Variants in ACSL4 observed in about 807,000 individuals in gnomAD.
ACSL4 encodes the protein long-chain-fatty-acid--CoA ligase 4.
ACSL4 carries 9 observed loss-of-function variants against 49.1 expected under a neutral mutation model. The ratio of observed to expected loss-of-function variants is 0.18; its 90% confidence interval spans 0.11 to 0.32. The LOEUF (loss-of-function observed/expected upper bound fraction) is 0.32, where lower values mean the gene tolerates loss of function less well. ACSL4 is among the 10% of genes least tolerant of loss of function. ACSL4 has a pLI of 1.00. For missense variants in ACSL4, 333 were observed against 493.7 expected (o/e 0.67, Z 3.08); for synonymous variants, 191 against 170.3 (o/e 1.12, Z -0.95).
chrX:109,700,536 C>T (rs1365091105), intron 1 of ACSL4, among the ~76,000 whole-genome samples: 3 of 83,845 alleles, frequency 3.6e-5, no homozygotes, highest in Non-Finnish European at 6.9e-5. Flanking sequence ...GACTCTGTCT[C>T]ATAAAAAAAA....
chrX:109,646,327 C>G (rs1392204351), intron 15 of ACSL4, among the ~76,000 whole-genome samples: 1 of 111,978 alleles, frequency 8.9e-6, no homozygotes, highest in Non-Finnish European at 1.9e-5. Flanking sequence ...GATCTCTCGG[C>G]AGAAACTCTA....
intron 1 of ACSL4, among the ~76,000 whole-genome samples, chrX:109,710,705 T>C (rs1321727990): frequency 8.9e-6 from 1 of 111,991 alleles, no homozygotes; most frequent in African/African-American, 3.2e-5. Flanking sequence ...ATTTTATTTT[T>C]TAATTTTTAA....
At chrX:109,673,833 T>C (rs1225681124) in intron 9 of ACSL4, among the ~76,000 whole-genome samples, 1 of 112,261 alleles carries the variant, frequency 8.9e-6, no homozygotes, top group East Asian at 2.8e-4. Context: ...AAACATGGTG[T>C]TAAATGTTTC....
At chrX:109,664,165 TA>T (rs1392762242) in intron 12 of ACSL4, among the ~76,000 whole-genome samples, 2 of 109,390 alleles carry the variant, frequency 1.8e-5, no homozygotes, top group African/African-American at 6.6e-5. Context: ...CATTGTATGT[TA>T]AAAAAAAACT....
At chrX:109,678,614 G>A (rs887932051) in intron 6 of ACSL4, among the ~76,000 whole-genome samples, 199 bp from the exon 7 acceptor site, 1 of 112,134 alleles carries the variant, frequency 8.9e-6, no homozygotes, top group African/African-American at 3.2e-5. Flanking sequence ...AGGATCACTT[G>A]AGCCCTGGAT....
At chrX:109,673,182 G>A (rs1385128302) in intron 9 of ACSL4, among the ~76,000 whole-genome samples, 1 of 111,607 alleles carries the variant, frequency 9.0e-6, no homozygotes, top group Non-Finnish European at 1.9e-5. Context: ...ATCTGATAAG[G>A]TTTGCTAGGG....
At chrX:109,659,255 G>A in intron 15 of ACSL4, 99 bp downstream of exon 15, 4 of 813,787 alleles carry the variant, frequency 4.9e-6, no homozygotes, top group East Asian at 3.2e-5. Context: ...TTAAAATCCT[G>A]TATTTTATTA....
intron 1 of ACSL4, among the ~76,000 whole-genome samples, chrX:109,701,219 AT>A (rs577429652): frequency 4.6e-4 from 48 of 103,323 alleles, no homozygotes; most frequent in East Asian, 6.0e-4. Context: ...ACACACATAC[AT>A]TTTTTTTTTT....
intron 1 of ACSL4, among the ~76,000 whole-genome samples, chrX:109,710,083 C>T (rs1390517800): frequency 7.2e-5 from 8 of 111,831 alleles, no homozygotes; most frequent in Non-Finnish European, 1.9e-5. Flanking sequence ...CCAGCCTGGG[C>T]AACAAGAGTG....
chrX:109,725,944 G>C (rs1238675982), intron 1 of ACSL4, among the ~76,000 whole-genome samples: 2 of 110,169 alleles, frequency 1.8e-5, no homozygotes, highest in Non-Finnish European at 3.8e-5. Flanking sequence ...ATTCATATGT[G>C]CTGAATTGTG....
intron 12 of ACSL4, among the ~76,000 whole-genome samples, chrX:109,663,740 A>C (rs1922377453): frequency 9.0e-6 from 1 of 111,485 alleles, no homozygotes; most frequent in Non-Finnish European, 1.9e-5. Flanking sequence ...AAGCTGTTAT[A>C]AGTAAATTAC....
intron 6 of ACSL4, 104 bp from the exon 7 acceptor site, chrX:109,678,519 G>T: frequency 2.0e-6 from 2 of 1,001,049 alleles, no homozygotes; most frequent in Non-Finnish European, 1.4e-6. Flanking sequence ...GCTATCAATA[G>T]ACAGTATTTG....
At chrX:109,695,349 C>CAAA (rs34826689) in intron 2 of ACSL4, among the ~76,000 whole-genome samples, 1 of 94,549 alleles carries the variant, frequency 1.1e-5, no homozygotes. Context: ...CATCTTGGGG[C>CAAA]AAAAAAAAAA....
intron 1 of ACSL4, among the ~76,000 whole-genome samples, chrX:109,712,078 G>A (rs1926788735): frequency 9.0e-6 from 1 of 111,551 alleles, no homozygotes; most frequent in Non-Finnish European, 1.9e-5. Context: ...CATATATTAG[G>A]AGTCTCATCA....
At chrX:109,656,323 C>CA (rs1921640530) in intron 15 of ACSL4, among the ~76,000 whole-genome samples, 1 of 110,579 alleles carries the variant, frequency 9.0e-6, no homozygotes, top group Admixed American at 9.6e-5. Flanking sequence ...CAGGGAAACA[C>CA]AAAAAATTGT....
At chrX:109,692,277 T>C (rs1460188780) in intron 2 of ACSL4, 2 of 111,898 alleles carry the variant, frequency 1.8e-5, no homozygotes, top group African/African-American at 3.2e-5. Context: ...GAGTCAATGT[T>C]GATGCCTACA....
chrX:109,649,062 G>A (rs1934884773), intron 15 of ACSL4, among the ~76,000 whole-genome samples: 1 of 109,401 alleles, frequency 9.1e-6, no homozygotes, highest in African/African-American at 3.3e-5. Context: ...CATGCTCATG[G>A]GTAGGAAGAA....
At chrX:109,645,281 C>T (rs1177728226) in intron 15 of ACSL4, among the ~76,000 whole-genome samples, 2 of 112,638 alleles carry the variant, frequency 1.8e-5, no homozygotes, top group South Asian at 3.6e-4. Flanking sequence ...TGTCTGACAG[C>T]TTTGAAGAGA....
chrX:109,653,906 G>T (rs1921398806), intron 15 of ACSL4, among the ~76,000 whole-genome samples: 1 of 108,567 alleles, frequency 9.2e-6, no homozygotes, highest in East Asian at 2.9e-4. Context: ...GTATACATAT[G>T]TAACTAACCT....
Sources: gnomAD v4.1 joint callset for allele counts (sites outside exome capture counted in the v4.1 genomes callset) on GRCh38, gnomAD v4.1.1 for gene constraint, MANE v1.5 for transcripts, NCBI Gene and HGNC (gene_info 2026-07-23, HGNC 2026-07-21) for gene names.